The following IGFBP4 variants were observed in gnomAD, a reference collection of about 807,000 sequenced individuals.
IGFBP4 encodes the protein insulin-like growth factor-binding protein 4.
IGFBP4 carries 9 observed loss-of-function variants against 25.8 expected under a neutral mutation model. The observed-to-expected ratio is 0.35, with a 90% confidence interval of 0.21 to 0.61. The LOEUF (loss-of-function observed/expected upper bound fraction) is 0.61, where lower values mean the gene tolerates loss of function less well. Among genes scored for constraint, IGFBP4 ranks in the 20% least tolerant of loss-of-function variants. The pLI is 0.77. For synonymous variants in IGFBP4, 153 were observed against 153.9 expected, an observed-to-expected ratio of 0.99 and a Z score of 0.05; for missense variants, 315 against 365.3, an observed-to-expected ratio of 0.86 and a Z score of 1.12.
In IGFBP4 at chr17:40,456,544, G is replaced by T. The variant is rs552305048; in HGVS notation, c.738G>T (p.Glu246Asp). The T allele has an allele frequency of 2.1e-5, 34 of 1,613,384 alleles. 1 individual carries two copies. In the South Asian group the frequency reaches 3.7e-4, roughly 18 times the overall value. ...CGGGGGGCCTGGAGCCAAAGGGGGA[G>T]CTGGACTGCCACCAGCTGGCTGACA... ...KLPGGLEPKG[E>D]LDCHQLADSF... Residue 246 changes from glutamate to aspartate, a missense_variant, in exon 4 of 4, where the codon GAG becomes GAT. Transcript: ENST00000269593.
At chr17:40,444,926 C>CACACAGAG (rs1456516087) in intron 1 of IGFBP4, among the ~76,000 whole-genome samples, 4 of 62,684 alleles carry the variant, frequency 6.4e-5, no homozygotes, top group African/African-American at 9.1e-5. Flanking sequence ...CACACACACA[C>CACACAGAG]AGAGACAGAG....
In IGFBP4 at chr17:40,444,885, ACACAC is replaced by A. The variant is rs1180149508; in HGVS notation, c.349+802_349+806del. Among the ~76,000 whole-genome samples, 89 of 13,678 alleles carry A rather than the reference ACACAC, an allele frequency of 6.5e-3. 1 individual carries two copies. The highest frequency in any genetic ancestry group is 0.018 in the African/African-American group (86 of 4,800). The allele number at this position is 13,678 out of a possible 152,430, so 9.0% of individuals were successfully genotyped here. ...GAGAGAGAGAGAGAGAGAGAGAGAAACACACACACACACACACACACACACACACA... is the reference window on the plus strand; with the variant it reads ...GAGAGAGAGAGAGAGAGAGAGAGAAAACACACACACACACACACACACACA... On this transcript the variant is annotated intron_variant, in intron 1 of 3. Coordinates refer to ENST00000269593, the MANE Select transcript of IGFBP4 (RefSeq NM_001552.3).
In IGFBP4 at chr17:40,444,078, C is replaced by G. The variant is rs1383297623; in HGVS notation, c.343C>G (p.Pro115Ala). 6.5e-7 allele frequency: 1 copy of G among 1,535,770 alleles called. No individual in the cohort carries two copies. Among genetic ancestry groups the G allele is most frequent in the Non-Finnish European group, 8.7e-7 (1 of 1,146,308 alleles). Reference protein sequence around the residue: ...EIEAIQESLQPSDKDEGDHPN... With the variant: ...EIEAIQESLQASDKDEGDHPN... ...CGAGGCCATCCAGGAAAGCCTGCAG[C>G]CCTCTGGTAAGGTACCCCTGGCCTC... Residue 115 changes from proline (P) to alanine (A), a missense_variant, in exon 1 of 4, where the codon CCC (proline) becomes GCC (alanine). Pro to Ala is a conservative substitution (Grantham distance 27, BLOSUM62 -1). Transcript: ENST00000269593.
intron 3 of IGFBP4, among the ~76,000 whole-genome samples, chr17:40,455,854 T>C (rs1233981407): frequency 6.6e-6 from 1 of 152,184 alleles, no homozygotes; most frequent in African/African-American, 2.4e-5. Flanking sequence ...CCTTAAGCTA[T>C]CCTTCACTCC....
intron 1 of IGFBP4, among the ~76,000 whole-genome samples, chr17:40,446,786 AC>A (rs957363290): frequency 2.6e-5 from 4 of 151,942 alleles, no homozygotes; most frequent in African/African-American, 9.7e-5. Flanking sequence ...CTGGAGAGAG[AC>A]GAGGGAAGCC....
chr17:40,448,425 G>A (rs1260477065), intron 1 of IGFBP4, among the ~76,000 whole-genome samples: 1 of 152,236 alleles, frequency 6.6e-6, no homozygotes, highest in Non-Finnish European at 1.5e-5. Context: ...GCTCCAAGCT[G>A]GGCGCTGTAG....
chr17:40,452,418 C>T (rs1487306812), intron 1 of IGFBP4, among the ~76,000 whole-genome samples: 2 of 152,250 alleles, frequency 1.3e-5, no homozygotes, highest in African/African-American at 4.8e-5. Flanking sequence ...GATACACTAA[C>T]TCCCACTTCT....
chr17:40,455,272 G>T (rs2035707777), intron 3 of IGFBP4, among the ~76,000 whole-genome samples: 2 of 151,904 alleles, frequency 1.3e-5, no homozygotes, highest in African/African-American at 4.8e-5. Flanking sequence ...TTATTAATTA[G>T]TGGTTTATAT....
intron 1 of IGFBP4, among the ~76,000 whole-genome samples, chr17:40,449,638 A>C (rs181595272): frequency 6.6e-5 from 10 of 152,186 alleles, no homozygotes; most frequent in African/African-American, 2.4e-4. Context: ...AGTCCCAGCT[A>C]CTTGGGAGGC....
rs866245800 is a variant in IGFBP4 at position 40,456,579 on chromosome 17, A to G, written c.773A>G (p.Glu258Gly). Residue 258 changes from glutamate to glycine, a missense_variant, in exon 4 of 4, where the codon GAG becomes GGG. Glu to Gly is a moderately conservative substitution (Grantham distance 98, BLOSUM62 -2). Transcript: ENST00000269593. ...DCHQLADSFRE is the reference protein window; with the variant it reads ...DCHQLADSFRG ...CACCAGCTGGCTGACAGCTTTCGAG[A>G]GTGAGGCCTGCCAGCAGGCCAGGGA... The G allele has an allele frequency of 6.2e-7, 1 of 1,612,104 alleles. No homozygotes were observed. Among genetic ancestry groups the G allele is most frequent in the East Asian group, 2.2e-5 (1 of 44,816 alleles).
At chr17:40,456,342 G>A in intron 3 of IGFBP4, 107 bp from the exon 4 acceptor site, 1 of 1,157,096 alleles carries the variant, frequency 8.6e-7, no homozygotes, top group Non-Finnish European at 1.3e-6. Flanking sequence ...CCATCTTGAA[G>A]CAGCGACCGT....
chr17:40,444,540 CT>C (rs201316941), intron 1 of IGFBP4, among the ~76,000 whole-genome samples: 6 of 151,406 alleles, frequency 4.0e-5, no homozygotes, highest in Admixed American at 6.6e-5. Context: ...AGGGCCTGAA[CT>C]TTTTTTTTAC....
At chr17:40,451,469 A>G (rs1026446152) in intron 1 of IGFBP4, among the ~76,000 whole-genome samples, 7 of 150,830 alleles carry the variant, frequency 4.6e-5, no homozygotes, top group Admixed American at 2.6e-4. Flanking sequence ...GAATGAAAAG[A>G]GAACCAACCC....
chr17:40,443,781 C>A lies in IGFBP4; in HGVS notation c.46C>A (p.Pro16Thr). The A allele has an allele frequency of 6.6e-7, 1 of 1,513,934 alleles. No individual in the cohort carries two copies. 93.8% of individuals were successfully genotyped at this position (1,513,934 alleles called of 1,614,324 possible). The change falls in exon 1 of 4, where the codon CCC becomes ACC. Residue 16 changes from proline (P) to threonine (T), a missense_variant. By Grantham distance (38) the Pro-to-Thr change is conservative (BLOSUM62 -1). Coordinates refer to ENST00000269593, the MANE Select transcript of IGFBP4 (RefSeq NM_001552.3). Reference protein sequence around the residue: ...LVAALLLAAGPGPSLGDEAIH... With the variant: ...LVAALLLAAGTGPSLGDEAIH... ...GGCCGCCCTGCTGCTGGCCGCCGGG[C>A]CCGGGCCGAGCCTGGGCGACGAAGC... is the stretch of plus-strand genomic sequence containing the variant.
Position 40,443,986 on chromosome 17 carries a change from G to C in IGFBP4, c.251G>C (p.Arg84Pro). 4 of 1,531,118 alleles carry C rather than the reference G, an allele frequency of 2.6e-6. No individual in the cohort carries two copies. Among genetic ancestry groups the C allele is most frequent in the Non-Finnish European group, 3.5e-6 (4 of 1,144,622 alleles). 94.8% of individuals were successfully genotyped at this position (1,531,118 alleles called of 1,614,324 possible). A position where few individuals can be genotyped will look rare whatever the true frequency, so the allele number is the denominator to read the frequency against. The stretch of plus-strand genomic sequence containing the variant: ...TCGGGCCTGCGCTGCTACCCGCCCC[G>C]AGGGGTGGAGAAGCCCCTGCACACA... ...CGSGLRCYPP[R>P]GVEKPLHTLM... is the part of the protein sequence containing the mutation. The change falls in exon 1 of 4, where the codon CGA becomes CCA. Residue 84 changes from arginine (R) to proline (P), a missense_variant. Coordinates refer to ENST00000269593, the MANE Select transcript of IGFBP4 (RefSeq NM_001552.3).
intron 1 of IGFBP4, among the ~76,000 whole-genome samples, chr17:40,448,968 T>A (rs1477939368): frequency 1.3e-5 from 2 of 152,206 alleles, no homozygotes; most frequent in Non-Finnish European, 2.9e-5. Context: ...AGCCTGAGCC[T>A]GTCTGTGTGA....
In IGFBP4 at chr17:40,453,179, GACAC is replaced by G. The variant is rs3055243; in HGVS notation, c.507+49_507+52del. On this transcript the variant is annotated intron_variant, in intron 2 of 3. Transcript: ENST00000269593. This position sits in a 1 kb window ranked among gnomAD's most constrained non-coding sequence, Gnocchi z 4.0. ...CGATGCACAAATGTGCATGTGCATA[GACAC>G]ACACACACACATGCCCCCTGCCCCC... 7 of 928,436 alleles carry G rather than the reference GACAC, an allele frequency of 7.5e-6. No individual in the cohort carries two copies. Among genetic ancestry groups the G allele is most frequent in the Non-Finnish European group, 1.0e-5 (7 of 680,720 alleles). The allele number at this position is 928,436 out of a possible 1,614,324, so 57.5% of individuals were successfully genotyped here.
chr17:40,444,433 A>G (rs543602880), intron 1 of IGFBP4, among the ~76,000 whole-genome samples: 1 of 152,160 alleles, frequency 6.6e-6, no homozygotes, highest in Admixed American at 6.5e-5. Flanking sequence ...GAACTGGAGG[A>G]TGGTGGTGGG....
chr17:40,447,808 A>C (rs2035657741), intron 1 of IGFBP4, among the ~76,000 whole-genome samples: 1 of 152,072 alleles, frequency 6.6e-6, no homozygotes, highest in Non-Finnish European at 1.5e-5. Flanking sequence ...GAGCTCAATA[A>C]ATTGAAGTGA....
Sources: gnomAD v4.1 joint callset for allele counts (sites outside exome capture counted in the v4.1 genomes callset) on GRCh38, gnomAD v4.1.1 for gene constraint, Gnocchi (gnomAD v3.1) non-coding constraint, MANE v1.5 for transcripts, NCBI Gene and HGNC (gene_info 2026-07-23, HGNC 2026-07-21) for gene names.